Variants in PRIM2 observed in about 807,000 individuals in gnomAD.
PRIM2 encodes the protein DNA primase subunit 2.
In PRIM2, 39 loss-of-function variants were observed where a neutral mutation model predicts 67.3. The ratio of observed to expected loss-of-function variants is 0.58; its 90% confidence interval spans 0.45 to 0.76. PRIM2 has a LOEUF of 0.76. Among genes scored for constraint, PRIM2 ranks in the 30% least tolerant of loss-of-function variants. The probability of loss-of-function intolerance (pLI) is 0.00; values close to 1 mark genes in which losing one functional copy is unlikely to be tolerated. For synonymous variants in PRIM2, 143 were observed against 198.7 expected (o/e 0.72, Z 2.36); for missense variants, 398 against 598.7 (o/e 0.66, Z 3.50).
At chr6:57,606,306 G>A (rs1332662508) in intron 11 of PRIM2, 69 bp from the exon 12 acceptor site, 12 of 1,286,610 alleles carry the variant, frequency 9.3e-6, no homozygotes, top group Middle Eastern at 1.8e-4. Context: ...ATGGTCTCTC[G>A]AGTGTGGTGT....
chr6:57,308,934 GTTTA>G, the PRIM2 span, among the ~76,000 whole-genome samples: 1 of 146,356 alleles, frequency 6.8e-6, no homozygotes, highest in Non-Finnish European at 1.5e-5. Context: ...TTTTTTGTTT[GTTTA>G]TTTTTTTTTT....
intron 7 of PRIM2, among the ~76,000 whole-genome samples, chr6:57,393,144 A>G (rs1016127478): frequency 1.3e-5 from 2 of 149,058 alleles, no homozygotes; most frequent in East Asian, 1.9e-4. Flanking sequence ...TTTTCGAATA[A>G]TGACTTCTTT....
rs188971013 is a variant in PRIM2 at position 57,323,627 on chromosome 6, G to T, written c.259-574G>T. Among the ~76,000 whole-genome samples the T allele has an allele frequency of 1.8e-4, 27 of 152,146 alleles. No homozygotes were observed. The East Asian group carries it at 5.2e-3, about 29-fold the overall frequency. On this transcript the variant is annotated intron_variant, in intron 3 of 13. Transcript: ENST00000615550. ...ACACCCCACACCAGGGCCTGTCAGG[G>T]GGTTGGGGTCAAGGGGAGAGACAGC...
intron 7 of PRIM2, among the ~76,000 whole-genome samples, chr6:57,391,447 A>G (rs992150342): frequency 2.6e-5 from 4 of 151,666 alleles, no homozygotes; most frequent in African/African-American, 9.7e-5. Flanking sequence ...GCCCATTCCT[A>G]TGTCCAGATG....
chr6:57,537,426 T>A lies in PRIM2; in HGVS notation c.835-14T>A. ...TTCCACTTAACTTAAAACTCTACTA[T>A]TTTTTTCTTGTAGCTTTCTACCAAA... On this transcript the variant is annotated splice_polypyrimidine_tract_variant and intron_variant, in intron 9 of 13. Transcript: ENST00000615550. The A allele has an allele frequency of 7.5e-6, 10 of 1,328,748 alleles. No homozygotes were observed. The highest frequency in any genetic ancestry group is 1.0e-5 in the Non-Finnish European group (10 of 963,696). 82.3% of individuals were successfully genotyped at this position (1,328,748 alleles called of 1,614,324 possible). A position where few individuals can be genotyped will look rare whatever the true frequency, so the allele number is the denominator to read the frequency against.
the PRIM2 span, among the ~76,000 whole-genome samples, chr6:57,306,288 A>G: frequency 6.6e-6 from 1 of 152,120 alleles, no homozygotes; most frequent in Non-Finnish European, 1.5e-5. Flanking sequence ...CCCAAGTGAG[A>G]GGGCCAGACT....
At chr6:57,482,809 C>T (rs1241888876) in intron 7 of PRIM2, among the ~76,000 whole-genome samples, 1 of 152,088 alleles carries the variant, frequency 6.6e-6, no homozygotes, top group African/African-American at 2.4e-5. Context: ...TTTATAGACT[C>T]AAGAGGGAAG....
the PRIM2 span, among the ~76,000 whole-genome samples, chr6:57,247,253 A>T: frequency 6.6e-6 from 1 of 151,990 alleles, no homozygotes. Context: ...GCCCTCCTTC[A>T]TTGCCATAAC....
At chr6:57,505,709 G>A (rs1429402305) in intron 7 of PRIM2, among the ~76,000 whole-genome samples, 3 of 152,154 alleles carry the variant, frequency 2.0e-5, no homozygotes, top group Admixed American at 6.6e-5. Context: ...TAGGGAAAAG[G>A]AAATGAAGAC....
chr6:57,577,307 T>A (rs1775980844), intron 10 of PRIM2, among the ~76,000 whole-genome samples: 1 of 152,306 alleles, frequency 6.6e-6, no homozygotes, highest in South Asian at 2.1e-4. Flanking sequence ...TTTCACTTAA[T>A]ATTTCGAAGT....
chr6:57,467,741 G>T (rs1290555221), intron 7 of PRIM2, among the ~76,000 whole-genome samples: 2 of 151,326 alleles, frequency 1.3e-5, no homozygotes, highest in East Asian at 3.9e-4. Context: ...TCATGATATT[G>T]ATTCTTCATA....
chr6:57,297,530 A>T, the PRIM2 span, among the ~76,000 whole-genome samples: 2 of 152,234 alleles, frequency 1.3e-5, no homozygotes, highest in African/African-American at 4.8e-5. Context: ...GGCTACTAAC[A>T]TCATGCTAAC....
the PRIM2 span, among the ~76,000 whole-genome samples, chr6:57,299,149 C>T: frequency 1.3e-5 from 2 of 151,884 alleles, no homozygotes; most frequent in Non-Finnish European, 2.9e-5. Flanking sequence ...TGCACATGCC[C>T]TTTATAAACA....
intron 12 of PRIM2, among the ~76,000 whole-genome samples, chr6:57,631,730 G>T (rs1777040135): frequency 6.6e-6 from 1 of 152,166 alleles, no homozygotes. Flanking sequence ...TATCTAAATA[G>T]TATACTTGAT....
Position 57,425,701 on chromosome 6 carries a change from A to T in PRIM2, c.693+43533A>T, listed in dbSNP as rs554209855. On this transcript the variant is annotated intron_variant, in intron 7 of 13. Transcript: ENST00000615550. ...GCCAGAAATTATTAATAGTCTGAGT[A>T]ATGATGAGAGTCATTCTAGGAATAG... is the stretch of plus-strand genomic sequence containing the variant. 2.4e-4 allele frequency among the ~76,000 whole-genome samples: 37 copies of T among 152,320 alleles called. No individual in the cohort carries two copies. In the East Asian group the frequency reaches 6.9e-3, roughly 29 times the overall value.
chr6:57,436,745 A>G (rs1180734993), intron 7 of PRIM2, among the ~76,000 whole-genome samples: 1 of 152,142 alleles, frequency 6.6e-6, no homozygotes, highest in Non-Finnish European at 1.5e-5. Flanking sequence ...CATTTTCTCT[A>G]TAGATTATTT....
chr6:57,232,479 G>A, the PRIM2 span, among the ~76,000 whole-genome samples: 1 of 152,180 alleles, frequency 6.6e-6, no homozygotes, highest in East Asian at 1.9e-4. Flanking sequence ...TTGAACTGAG[G>A]CGGAGGTTGC....
intron 7 of PRIM2, among the ~76,000 whole-genome samples, chr6:57,414,263 A>G (rs1771187249): frequency 1.3e-5 from 2 of 152,164 alleles, no homozygotes; most frequent in South Asian, 4.1e-4. Flanking sequence ...ACTTATTTGA[A>G]GAACATGAAT....
intron 7 of PRIM2, among the ~76,000 whole-genome samples, chr6:57,457,641 C>T (rs1356079250): frequency 4.6e-5 from 7 of 152,102 alleles, no homozygotes; most frequent in Admixed American, 2.0e-4. Flanking sequence ...TGTAAAAGTG[C>T]AGTATTGGGG....
Sources: allele counts gnomAD v4.1 joint callset (sites outside exome capture counted in the v4.1 genomes callset), GRCh38; gene constraint gnomAD v4.1.1; transcripts MANE v1.5; gene names NCBI Gene and HGNC (gene_info 2026-07-23, HGNC 2026-07-21).